Variants in LRRC4C observed in about 807,000 individuals in gnomAD.
LRRC4C encodes the protein leucine rich repeat containing 4C.
LRRC4C carries 5 observed loss-of-function variants against 33.6 expected under a neutral mutation model. That is an observed-to-expected ratio of 0.15 (90% CI 0.08 to 0.31). The LOEUF (loss-of-function observed/expected upper bound fraction) is 0.31. LRRC4C is among the 10% of genes least tolerant of loss of function. The pLI, the probability that LRRC4C is intolerant of heterozygous loss-of-function variation, is 1.00. For synonymous variants in LRRC4C, 329 were observed against 302.0 expected, an observed-to-expected ratio of 1.09 and a Z score of -0.93; for missense variants, 560 against 796.7, an observed-to-expected ratio of 0.70 and a Z score of 3.58.
intron 1 of LRRC4C, among the ~76,000 whole-genome samples, chr11:41,074,520 G>A (rs1193074849): frequency 6.6e-6 from 1 of 152,134 alleles, no homozygotes; most frequent in Non-Finnish European, 1.5e-5. Context: ...AAATAAACAA[G>A]ACATTTCATT....
chr11:41,395,684 G>A (rs759150722), intron 1 of LRRC4C, among the ~76,000 whole-genome samples: 34 of 151,876 alleles, frequency 2.2e-4, no homozygotes, highest in Admixed American at 1.3e-3. Context: ...GTACAAAGTT[G>A]AAACAAGAAT....
chr11:40,532,484 C>T (rs1023835755), intron 3 of LRRC4C, among the ~76,000 whole-genome samples: 1 of 151,684 alleles, frequency 6.6e-6, no homozygotes, highest in African/African-American at 2.4e-5. Context: ...GAAGATCAAT[C>T]ATATGATAAT....
At position 40,838,216 on chromosome 11, in the gene LRRC4C, AGAGAG is replaced by A. The variant is rs1236051893; in HGVS notation, c.-407+95414_-407+95418del. On this transcript the variant is annotated intron_variant, in intron 2 of 6. Coordinates refer to ENST00000528697, the MANE Select transcript of LRRC4C (RefSeq NM_001258419.2). ...TACAATTTGAAAATGTAAGTGAGAG[AGAGAG>A]GAATAGGTCCATGTGTTTTTATTTT... Among the ~76,000 whole-genome samples, 1,491 of 152,322 alleles carry A rather than the reference AGAGAG, an allele frequency of 9.8e-3. 23 individuals are homozygous for A. The highest frequency in any genetic ancestry group is 0.033 in the African/African-American group (1,359 of 41,572).
chr11:40,938,724 T>C (rs1315294399), intron 1 of LRRC4C, among the ~76,000 whole-genome samples: 1 of 152,170 alleles, frequency 6.6e-6, no homozygotes, highest in East Asian at 1.9e-4. Context: ...CACTCTACCA[T>C]TCTTCTCAGA....
At chr11:40,859,848 G>A (rs933463308) in intron 2 of LRRC4C, among the ~76,000 whole-genome samples, 29 of 152,038 alleles carry the variant, frequency 1.9e-4, no homozygotes, top group African/African-American at 6.5e-4. Flanking sequence ...AGGCCGAGGC[G>A]GGCGGATCGC....
At chr11:40,249,475 G>C (rs1866605416) in intron 4 of LRRC4C, among the ~76,000 whole-genome samples, 1 of 151,670 alleles carries the variant, frequency 6.6e-6, no homozygotes, top group Admixed American at 6.6e-5. Flanking sequence ...TTAAATTAAA[G>C]ATGGATTCAA....
At chr11:41,379,910 G>A (rs1194171965) in intron 1 of LRRC4C, among the ~76,000 whole-genome samples, 1 of 152,038 alleles carries the variant, frequency 6.6e-6, no homozygotes, top group Admixed American at 6.6e-5. Context: ...CAACAGAGAA[G>A]TGAAAGGTAG....
chr11:41,429,312 C>G (rs1034047903), intron 1 of LRRC4C, among the ~76,000 whole-genome samples: 2 of 152,084 alleles, frequency 1.3e-5, no homozygotes, highest in African/African-American at 4.8e-5. Context: ...TATAAATTAT[C>G]CAGTATTGGG....
chr11:40,679,284 C>T (rs1944561320), intron 2 of LRRC4C, among the ~76,000 whole-genome samples: 1 of 151,656 alleles, frequency 6.6e-6, no homozygotes, highest in African/African-American at 2.4e-5. Context: ...TAAAGGGAAA[C>T]AGAACATTAA....
intron 2 of LRRC4C, among the ~76,000 whole-genome samples, chr11:40,857,550 C>T (rs1299000361): frequency 6.6e-6 from 1 of 152,136 alleles, no homozygotes; most frequent in East Asian, 1.9e-4. Context: ...CTCAGAAATT[C>T]AAAATGCAAA....
At chr11:41,078,853 CTG>C (rs1939351813) in intron 1 of LRRC4C, among the ~76,000 whole-genome samples, 1 of 152,132 alleles carries the variant, frequency 6.6e-6, no homozygotes, top group Non-Finnish European at 1.5e-5. Context: ...ATTTCTAAAT[CTG>C]TGAATTTTTC....
intron 4 of LRRC4C, among the ~76,000 whole-genome samples, chr11:40,296,177 G>A (rs2136628695): frequency 6.6e-6 from 1 of 152,234 alleles, no homozygotes; most frequent in South Asian, 2.1e-4. Flanking sequence ...AATGGAAAAA[G>A]GAACAGCTTC....
intron 6 of LRRC4C, among the ~76,000 whole-genome samples, chr11:40,124,815 G>T (rs1021923358): frequency 6.6e-6 from 1 of 152,126 alleles, no homozygotes; most frequent in East Asian, 1.9e-4. Context: ...TAGTAAAATT[G>T]TTGTAACACA....
rs77683172 is a variant in LRRC4C, at chr11:40,495,813, GTTTTTTTTTTTTTTTTTTTTT to G, written c.-270+152308_-270+152328del. 7.5e-5 allele frequency among the ~76,000 whole-genome samples: 5 copies of G among 67,012 alleles called. No homozygotes were observed. In the East Asian group the frequency reaches 1.1e-3, roughly 15 times the overall value. The allele number at this position is 67,012 out of a possible 152,430, so 44.0% of individuals were successfully genotyped here. ...TTTTATTGAAGTTCTCAATAAACATGTTTTTTTTTTTTTTTTTTTTTTTTTTTTTTTTTTTTGAGAGAGTCT... is the reference window on the plus strand; with the variant it reads ...TTTTATTGAAGTTCTCAATAAACATGTTTTTTTTTTTTTTTGAGAGAGTCT... On this transcript the variant is annotated intron_variant, in intron 3 of 6. Transcript: ENST00000528697.
chr11:40,616,254 G>GC (rs1399849203), intron 3 of LRRC4C, among the ~76,000 whole-genome samples: 27 of 151,984 alleles, frequency 1.8e-4, no homozygotes, highest in Admixed American at 6.6e-4. Flanking sequence ...AAAAAGTCAG[G>GC]AAACAACAGG....
At chr11:40,906,992 G>A (rs1241500293) in intron 2 of LRRC4C, among the ~76,000 whole-genome samples, 1 of 152,188 alleles carries the variant, frequency 6.6e-6, no homozygotes, top group Non-Finnish European at 1.5e-5. Context: ...GGTTAACGGA[G>A]TGATTTATTT....
At chr11:40,815,084 T>G (rs1951652566) in intron 2 of LRRC4C, among the ~76,000 whole-genome samples, 1 of 152,130 alleles carries the variant, frequency 6.6e-6, no homozygotes, top group Non-Finnish European at 1.5e-5. Context: ...ATTCTCACAC[T>G]GCTAACAAAG....
intron 1 of LRRC4C, among the ~76,000 whole-genome samples, chr11:41,045,335 CT>C (rs1471250173): frequency 6.6e-6 from 1 of 151,996 alleles, no homozygotes; most frequent in Non-Finnish European, 1.5e-5. Context: ...CTCTTATTTC[CT>C]TTTTACATCT....
At chr11:40,851,418 G>A (rs61886574) in intron 2 of LRRC4C, among the ~76,000 whole-genome samples, 6,462 of 152,090 alleles carry the variant, frequency 0.042, 294 homozygotes, top group African/African-American at 0.11. Flanking sequence ...TGCTTCCCGG[G>A]TGAGGCAATG....
Sources: gnomAD v4.1 joint callset for allele counts (sites outside exome capture counted in the v4.1 genomes callset) on GRCh38, gnomAD v4.1.1 for gene constraint, MANE v1.5 for transcripts, NCBI Gene and HGNC (gene_info 2026-07-23, HGNC 2026-07-21) for gene names.